Variants in CTNNA3 observed in about 807,000 individuals in gnomAD.
CTNNA3 encodes the protein catenin alpha 3, also known as catenin alpha-3.
A neutral mutation model predicts 95.7 loss-of-function variants in CTNNA3; 76 were observed. The ratio of observed to expected loss-of-function variants is 0.79; its 90% CI spans 0.66 to 0.96. CTNNA3 has a LOEUF of 0.96. Ranked by LOEUF, CTNNA3 falls within the 40% of genes least tolerant of loss-of-function variation. The pLI is 0.00. For synonymous variants in CTNNA3, 431 were observed against 374.4 expected (o/e 1.15, Z -1.74); for missense variants, 1,191 against 1,089.8 (o/e 1.09, Z -1.31).
chr10:66,352,665 C>T (rs550236889), intron 12 of CTNNA3, among the ~76,000 whole-genome samples: 1 of 152,166 alleles, frequency 6.6e-6, no homozygotes, highest in African/African-American at 2.4e-5. Context: ...CACAGAGACT[C>T]TCACTTCTTA....
chr10:66,919,330 G>A (rs1846671399), intron 7 of CTNNA3, among the ~76,000 whole-genome samples: 1 of 151,898 alleles, frequency 6.6e-6, no homozygotes, highest in African/African-American at 2.4e-5. Flanking sequence ...CTTTCCTACT[G>A]AAAGGAAGAA....
In CTNNA3 at chr10:67,088,289, G is replaced by C. The variant is rs10997499; in HGVS notation, c.1047+92028C>G. Among the ~76,000 whole-genome samples, 468 of 151,760 alleles carry C rather than the reference G, an allele frequency of 3.1e-3. 2 individuals carry two copies. Among genetic ancestry groups the C allele is most frequent in the African/African-American group, 0.011 (452 of 41,462 alleles). ...GGCATTCAGCAAACCTTCACTGAAG[G>C]AATGAGTGAATAAATTAACGAATGA... On this transcript the variant is annotated intron_variant, in intron 7 of 17. Transcript: ENST00000433211.
At chr10:66,594,731 G>GT (rs1440958481) in intron 10 of CTNNA3, among the ~76,000 whole-genome samples, 4 of 152,000 alleles carry the variant, frequency 2.6e-5, no homozygotes, top group African/African-American at 9.7e-5. Flanking sequence ...TCCTGATATG[G>GT]TAGCATGTAG....
rs982544038 is a variant in CTNNA3 at position 66,111,885 on chromosome 10, A to G, written c.1885-8636T>C. Among the ~76,000 whole-genome samples the G allele has an allele frequency of 4.0e-5, 6 of 151,158 alleles. No individual in the cohort carries two copies. The East Asian group carries it at 5.8e-4, about 15-fold the overall frequency. Reference sequence around the variant, plus strand: ...TTGTTTTTTGTTAGGCCAATCTCAGACTTTTCCTATGCTTAAATTCCTTGA... The same window carrying G: ...TTGTTTTTTGTTAGGCCAATCTCAGGCTTTTCCTATGCTTAAATTCCTTGA... On this transcript the variant is annotated intron_variant, in intron 13 of 17. Coordinates refer to ENST00000433211, the MANE Select transcript of CTNNA3 (RefSeq NM_013266.4).
chr10:67,412,093 T>C (rs1164616019), intron 5 of CTNNA3, among the ~76,000 whole-genome samples: 1 of 152,162 alleles, frequency 6.6e-6, no homozygotes, highest in Admixed American at 6.5e-5. Flanking sequence ...GCAATTTGTT[T>C]AATTTGGAAG....
At chr10:66,877,899 A>C (rs1373050609) in intron 7 of CTNNA3, among the ~76,000 whole-genome samples, 3 of 152,152 alleles carry the variant, frequency 2.0e-5, no homozygotes. Context: ...ATAATGTTCA[A>C]AACTTAGAAA....
intron 12 of CTNNA3, among the ~76,000 whole-genome samples, chr10:66,300,954 A>G (rs2132227997): frequency 6.6e-6 from 1 of 152,156 alleles, no homozygotes; most frequent in East Asian, 1.9e-4. Flanking sequence ...AAAAAAAGAG[A>G]GAAGATACAA....
intron 10 of CTNNA3, among the ~76,000 whole-genome samples, chr10:66,521,087 TTAAA>T (rs1841051223): frequency 6.6e-6 from 1 of 151,528 alleles, no homozygotes; most frequent in East Asian, 1.9e-4. Context: ...TAAATTATGG[TTAAA>T]TACATTCATC....
At position 67,571,298 on chromosome 10, in the gene CTNNA3, A is replaced by G. The variant is rs1041975633; in HGVS notation, c.293-31629T>C. Among the ~76,000 whole-genome samples, 27 of 152,108 alleles carry G rather than the reference A, an allele frequency of 1.8e-4. 1 individual carries two copies. The highest frequency in any genetic ancestry group is 6.5e-4 in the African/African-American group (27 of 41,414). ...GTTTATACTAAAGAAATATTTGTTG[A>G]CTGTTTGATAATTGTGTATCTCCAT... On this transcript the variant is annotated intron_variant, in intron 3 of 17. Coordinates refer to ENST00000433211, the MANE Select transcript of CTNNA3 (RefSeq NM_013266.4).
At chr10:66,950,145 C>T (rs1848465480) in intron 7 of CTNNA3, among the ~76,000 whole-genome samples, 1 of 152,140 alleles carries the variant, frequency 6.6e-6, no homozygotes, top group East Asian at 1.9e-4. Context: ...TGGAACATTG[C>T]TTTTTGACAA....
intron 5 of CTNNA3, among the ~76,000 whole-genome samples, chr10:67,514,898 G>A (rs1839764387): frequency 6.6e-6 from 1 of 152,040 alleles, no homozygotes; most frequent in Non-Finnish European, 1.5e-5. Context: ...ATCTTCTCTG[G>A]TGCATGAAAA....
At chr10:66,465,385 G>A (rs1043186822) in intron 11 of CTNNA3, among the ~76,000 whole-genome samples, 3 of 152,054 alleles carry the variant, frequency 2.0e-5, no homozygotes, top group African/African-American at 7.2e-5. Flanking sequence ...CTTTTGATGT[G>A]ACAAAATACA....
chr10:66,840,701 A>C, intron 7 of CTNNA3, among the ~76,000 whole-genome samples: 1 of 152,252 alleles, frequency 6.6e-6, no homozygotes, highest in Non-Finnish European at 1.5e-5. Context: ...CAAGGTCTGT[A>C]TATCAAAATA....
chr10:67,237,275 T>A (rs1169364381), intron 5 of CTNNA3, among the ~76,000 whole-genome samples: 1 of 149,962 alleles, frequency 6.7e-6, no homozygotes, highest in African/African-American at 2.4e-5. Flanking sequence ...GTGAAGTAAC[T>A]CAGGAATGGA....
chr10:67,312,220 G>T (rs1365192554), intron 5 of CTNNA3, among the ~76,000 whole-genome samples: 1 of 151,952 alleles, frequency 6.6e-6, no homozygotes, highest in East Asian at 1.9e-4. Flanking sequence ...TTACAGGCAC[G>T]CACCACCGTG....
intron 10 of CTNNA3, among the ~76,000 whole-genome samples, chr10:66,521,932 C>G (rs1331946128): frequency 6.6e-6 from 1 of 152,138 alleles, no homozygotes; most frequent in Non-Finnish European, 1.5e-5. Flanking sequence ...TTGTCTGCAG[C>G]TGATCTGGGC....
intron 7 of CTNNA3, among the ~76,000 whole-genome samples, chr10:66,789,998 A>T (rs1840904942): frequency 6.6e-6 from 1 of 152,176 alleles, no homozygotes; most frequent in African/African-American, 2.4e-5. Context: ...AAAATATATT[A>T]AAAATGACAC....
rs529499135 is a variant in CTNNA3, at chr10:66,550,067, T to A, written c.1375-29294A>T. ...GTTAAATTTACTACAATTATGAAAT[T>A]GTCTATCTCTTAAATTCTATCAATT... On this transcript the variant is annotated intron_variant, in intron 10 of 17. Coordinates refer to ENST00000433211, the MANE Select transcript of CTNNA3 (RefSeq NM_013266.4). 7.9e-5 allele frequency among the ~76,000 whole-genome samples: 12 copies of A among 152,292 alleles called. No individual in the cohort carries two copies. In the South Asian group the frequency reaches 1.9e-3, roughly 24 times the overall value.
At chr10:66,427,402 C>A (rs754975420) in intron 11 of CTNNA3, among the ~76,000 whole-genome samples, 1 of 151,998 alleles carries the variant, frequency 6.6e-6, no homozygotes, top group Non-Finnish European at 1.5e-5. Flanking sequence ...ACTAGCCTTC[C>A]CCTAAGCTTC....
Sources: gnomAD v4.1 joint callset for allele counts (sites outside exome capture counted in the v4.1 genomes callset) on GRCh38, gnomAD v4.1.1 for gene constraint, MANE v1.5 for transcripts, NCBI Gene and HGNC (gene_info 2026-07-23, HGNC 2026-07-21) for gene names.